AHI1: variants seen among roughly 807,000 people sequenced by gnomAD.
The protein encoded by AHI1 is Abelson helper integration site 1, also known as jouberin.
Under a neutral mutation model 149.3 loss-of-function variants are expected in AHI1, and 123 were observed. The observed-to-expected ratio is 0.82, with a 90% CI of 0.71 to 0.96. The LOEUF is 0.96. Ranked by LOEUF, AHI1 falls within the 40% of genes least tolerant of loss-of-function variation. The pLI is 0.00. For synonymous variants in AHI1, 475 were observed against 459.8 expected, an observed-to-expected ratio of 1.03 and a Z score of -0.42; for missense variants, 1,439 against 1,422.7, an observed-to-expected ratio of 1.01 and a Z score of -0.18.
At chr6:135,455,626 C>T in intron 10 of AHI1, 108 bp downstream of exon 10, 1 of 861,176 alleles carries the variant, frequency 1.2e-6, no homozygotes. Flanking sequence ...ATTAAATTCT[C>T]ACACAACTTT....
At chr6:135,350,887 G>C (rs1791990416) in intron 24 of AHI1, among the ~76,000 whole-genome samples, 1 of 152,028 alleles carries the variant, frequency 6.6e-6, no homozygotes, top group African/African-American at 2.4e-5. Context: ...GAAAGGGTTT[G>C]GGTTTTATCC....
intron 22 of AHI1, among the ~76,000 whole-genome samples, chr6:135,403,399 C>T (rs1344878286): frequency 6.6e-6 from 1 of 152,072 alleles, no homozygotes; most frequent in Admixed American, 6.6e-5. Flanking sequence ...TGATTCATTT[C>T]CAAATTAATC....
At chr6:135,292,412 G>C (rs1217792027) in intron 27 of AHI1, among the ~76,000 whole-genome samples, 1 of 152,112 alleles carries the variant, frequency 6.6e-6, no homozygotes, top group Non-Finnish European at 1.5e-5. Flanking sequence ...AAAATACATA[G>C]AACATCTAGA....
At chr6:135,358,630 GATC>G (rs1271223659) in intron 23 of AHI1, among the ~76,000 whole-genome samples, 1 of 152,160 alleles carries the variant, frequency 6.6e-6, no homozygotes, top group African/African-American at 2.4e-5. Context: ...ATTTCTCTTT[GATC>G]ATCTGACTTC....
chr6:135,381,007 C>T (rs1776689121), intron 23 of AHI1, among the ~76,000 whole-genome samples: 1 of 151,812 alleles, frequency 6.6e-6, no homozygotes. Flanking sequence ...TTATTTTTTC[C>T]CTGCAGTAGT....
chr6:135,316,199 G>A (rs1258313225), intron 26 of AHI1, among the ~76,000 whole-genome samples: 1 of 152,052 alleles, frequency 6.6e-6, no homozygotes, highest in East Asian at 1.9e-4. Context: ...GATCCACTGT[G>A]TCCTTGGTGT....
intron 5 of AHI1, among the ~76,000 whole-genome samples, chr6:135,469,180 C>T (rs1791301361): frequency 2.0e-5 from 3 of 152,184 alleles, no homozygotes; most frequent in Non-Finnish European, 1.5e-5. Flanking sequence ...TCAGCTTCAT[C>T]CACGGGATGC....
chr6:135,489,142 A>C (rs1794894253), intron 5 of AHI1, among the ~76,000 whole-genome samples: 1 of 152,192 alleles, frequency 6.6e-6, no homozygotes, highest in Non-Finnish European at 1.5e-5. Flanking sequence ...AGTCCTTTAG[A>C]AATATTCCTG....
At chr6:135,349,639 A>G (rs1421493723) in intron 24 of AHI1, among the ~76,000 whole-genome samples, 1 of 152,204 alleles carries the variant, frequency 6.6e-6, no homozygotes, top group Admixed American at 6.5e-5. Flanking sequence ...ATTATAACAT[A>G]AGGAAGTGAA....
At chr6:135,458,355 G>A (rs1306198286) in intron 8 of AHI1, among the ~76,000 whole-genome samples, 1 of 152,132 alleles carries the variant, frequency 6.6e-6, no homozygotes, top group Non-Finnish European at 1.5e-5. Flanking sequence ...TGATTCCACA[G>A]GACTAAAATG....
intron 5 of AHI1, among the ~76,000 whole-genome samples, chr6:135,476,108 A>C (rs138869020): frequency 6.6e-6 from 1 of 152,302 alleles, no homozygotes; most frequent in African/African-American, 2.4e-5. Flanking sequence ...TTTCCTTCTA[A>C]GTAATGCTTC....
At chr6:135,302,546 T>G (rs1270809897) in intron 26 of AHI1, 17 of 1,093,088 alleles carry the variant, frequency 1.6e-5, no homozygotes, top group Non-Finnish European at 1.7e-5. Flanking sequence ...TTCCTATCAC[T>G]GGCATACCCA....
rs148052710 is a variant in AHI1 at position 135,327,691 on chromosome 6, C to G, written c.3166-4367G>C. Among the ~76,000 whole-genome samples the G allele has an allele frequency of 1.4e-3, 214 of 152,218 alleles. 2 individuals carry two copies. The East Asian group carries it at 0.032, about 23-fold the overall frequency. On this transcript the variant is annotated intron_variant, in intron 24 of 28. Transcript: ENST00000265602. The stretch of plus-strand genomic sequence containing the variant: ...CAAGGTAGGGCTCTAATCACCACCC[C>G]CTACCTTTCTGACTGTAGGTCTTAT...
At chr6:135,343,646 A>C (rs75227224) in intron 24 of AHI1, among the ~76,000 whole-genome samples, 1 of 151,412 alleles carries the variant, frequency 6.6e-6, no homozygotes, top group Non-Finnish European at 1.5e-5. Context: ...AAAAAAAAAA[A>C]ACACCAAAAA....
chr6:135,371,930 G>A (rs925867488), intron 23 of AHI1, among the ~76,000 whole-genome samples: 2 of 152,222 alleles, frequency 1.3e-5, no homozygotes, highest in African/African-American at 4.8e-5. Context: ...AGGGCTTTCA[G>A]CCAGCAGAAG....
chr6:135,416,274 A>G (rs957207858), intron 20 of AHI1, among the ~76,000 whole-genome samples: 2 of 152,124 alleles, frequency 1.3e-5, no homozygotes, highest in Non-Finnish European at 2.9e-5. Context: ...GCAAAGAACC[A>G]TTAAAGAAAA....
chr6:135,455,411 G>A (rs1181905214), intron 10 of AHI1, among the ~76,000 whole-genome samples: 1 of 152,156 alleles, frequency 6.6e-6, no homozygotes, highest in Non-Finnish European at 1.5e-5. Context: ...TATGCTTTGT[G>A]AAATGGGTTT....
intron 24 of AHI1, among the ~76,000 whole-genome samples, chr6:135,337,479 C>T (rs1789568969): frequency 6.6e-6 from 1 of 151,918 alleles, no homozygotes; most frequent in South Asian, 2.1e-4. Flanking sequence ...TGTGAAGAGG[C>T]CAAGTGCAGT....
Position 135,433,197 on chromosome 6 carries a change from AAAG to A in AHI1, c.2093_2095del (p.Ser698del). On this transcript the variant is annotated inframe_deletion, in exon 16 of 29. Coordinates refer to ENST00000265602, the MANE Select transcript of AHI1 (RefSeq NM_001134831.2). ...TGGATGGAATTTAGCCGTGTAAACAAAAGAAGGATGAGGTAAAACTCTGAAAGT... is the reference window on the plus strand; with the variant it reads ...TGGATGGAATTTAGCCGTGTAAACAAAAGGATGAGGTAAAACTCTGAAAGT... The A allele has an allele frequency of 1.9e-6, 3 of 1,612,890 alleles. No homozygotes were observed. The highest frequency in any genetic ancestry group is 2.5e-6 in the Non-Finnish European group (3 of 1,178,970).
Sources: allele counts gnomAD v4.1 joint callset (sites outside exome capture counted in the v4.1 genomes callset), GRCh38; gene constraint gnomAD v4.1.1; transcripts MANE v1.5; gene names NCBI Gene and HGNC (gene_info 2026-07-23, HGNC 2026-07-21).